CTNNA2: variants seen among roughly 807,000 people sequenced by gnomAD.
CTNNA2 encodes catenin alpha-2.
In CTNNA2, 42 loss-of-function variants were observed where a neutral mutation model predicts 101.0. The observed-to-expected ratio is 0.42, with a 90% confidence interval of 0.32 to 0.54. The LOEUF is 0.54. Among genes scored for constraint, CTNNA2 ranks in the 20% least tolerant of loss-of-function variants. The pLI is 0.14. For missense variants in CTNNA2, 871 were observed against 1,223.1 expected, an observed-to-expected ratio of 0.71 and a Z score of 4.29; for synonymous variants, 450 against 456.4, an observed-to-expected ratio of 0.99 and a Z score of 0.18.
intron 7 of CTNNA2, among the ~76,000 whole-genome samples, chr2:80,022,022 C>G (rs1694599091): frequency 6.6e-6 from 1 of 152,150 alleles, no homozygotes; most frequent in Non-Finnish European, 1.5e-5. Context: ...CAATTCTTTC[C>G]TTTAGATCTG....
intron 3 of CTNNA2, among the ~76,000 whole-genome samples, chr2:79,768,138 C>T (rs1673297186): frequency 6.6e-6 from 1 of 151,740 alleles, no homozygotes; most frequent in African/African-American, 2.4e-5. Flanking sequence ...GGGTAGGTAT[C>T]AGCCGAGTTT....
intron 7 of CTNNA2, among the ~76,000 whole-genome samples, chr2:80,188,944 C>CTTTT (rs34090029): frequency 1.6e-4 from 12 of 74,686 alleles, no homozygotes; most frequent in African/African-American, 3.0e-4. Context: ...CAGGTGGTCA[C>CTTTT]TTTTTTTTTT....
intron 1 of CTNNA2, among the ~76,000 whole-genome samples, chr2:79,622,507 C>A (rs1427270553): frequency 6.6e-6 from 1 of 152,104 alleles, no homozygotes; most frequent in Non-Finnish European, 1.5e-5. Context: ...TAACATTCCT[C>A]TTAGCAAAAA....
chr2:80,024,088 G>GAAA (rs1158051768), intron 7 of CTNNA2, among the ~76,000 whole-genome samples: 8 of 54,670 alleles, frequency 1.5e-4, no homozygotes, highest in Non-Finnish European at 3.1e-4. Flanking sequence ...CTCCGTCTCA[G>GAAA]AAAAAAAAAA....
At chr2:80,145,286 G>T (rs1008253824) in intron 7 of CTNNA2, among the ~76,000 whole-genome samples, 3 of 151,634 alleles carry the variant, frequency 2.0e-5, no homozygotes, top group Non-Finnish European at 2.9e-5. Context: ...TCCCTGGAAG[G>T]GTCCTCTTAT....
chr2:80,188,746 T>C (rs1409790366), intron 7 of CTNNA2, among the ~76,000 whole-genome samples: 1 of 152,086 alleles, frequency 6.6e-6, no homozygotes, highest in African/African-American at 2.4e-5. Flanking sequence ...ATGATTTACA[T>C]TGGGACCACT....
chr2:79,651,774 T>C, intron 2 of CTNNA2, 116 bp downstream of exon 2: 1 of 825,506 alleles, frequency 1.2e-6, no homozygotes, highest in South Asian at 1.6e-5. Flanking sequence ...ATGATTCCGA[T>C]TACTGAATAT....
chr2:80,080,982 G>A (rs1174697838), intron 7 of CTNNA2, among the ~76,000 whole-genome samples: 1 of 142,084 alleles, frequency 7.0e-6, no homozygotes, highest in Non-Finnish European at 1.5e-5. Flanking sequence ...AGAAATGCTT[G>A]CCGTGTTGCA....
intron 9 of CTNNA2, among the ~76,000 whole-genome samples, chr2:80,491,244 A>G (rs890314629): frequency 1.3e-4 from 20 of 152,310 alleles, no homozygotes; most frequent in African/African-American, 4.3e-4. Context: ...TAAATGGTAA[A>G]GGAGGAATTA....
rs149421177 is a variant in CTNNA2, at chr2:79,554,702, A to G, written c.-6+41495A>G. 5.3e-4 allele frequency among the ~76,000 whole-genome samples: 80 copies of G among 152,290 alleles called. No individual in the cohort carries two copies. In the East Asian group the frequency reaches 0.013, roughly 25 times the overall value. ...AGGCTCCAGACACCTCATACCCAAC[A>G]TCAAATTGTGCTAGACACTCTATTA... On this transcript the variant is annotated intron_variant, in intron 1 of 18. Transcript: ENST00000402739.
chr2:79,774,853 G>A (rs1361454449), intron 3 of CTNNA2, among the ~76,000 whole-genome samples: 2 of 152,126 alleles, frequency 1.3e-5, no homozygotes, highest in Admixed American at 6.5e-5. Context: ...AGATTCCTAA[G>A]CCTTAGTGGC....
Position 79,858,129 on chromosome 2 carries a change from A to C in CTNNA2, c.415A>C (p.Ile139Leu), listed in dbSNP as rs767786661. Residue 139 changes from isoleucine to leucine, a missense_variant, in exon 4 of 19, where the codon ATC (isoleucine) becomes CTC (leucine). Ile to Leu is a conservative substitution (Grantham distance 5). Coordinates refer to ENST00000402739, the MANE Select transcript of CTNNA2 (RefSeq NM_001282597.3). ...GCTCTCCGCGGTGACACGCTTACTC[A>C]TCCTGGCGGACATGGCAGATGTCAT... Reference protein sequence around the residue: ...ALLSAVTRLLILADMADVMRL... With the variant: ...ALLSAVTRLLLLADMADVMRL... 34 of 1,613,914 alleles carry C rather than the reference A, an allele frequency of 2.1e-5. No individual in the cohort carries two copies. Among genetic ancestry groups the C allele is most frequent in the Non-Finnish European group, 8.5e-7 (1 of 1,179,914 alleles).
chr2:80,456,184 C>T (rs35626811), intron 9 of CTNNA2, among the ~76,000 whole-genome samples: 1 of 152,198 alleles, frequency 6.6e-6, no homozygotes, highest in African/African-American at 2.4e-5. Context: ...AGCTGGACAC[C>T]TGAGCTATTG....
At chr2:79,305,484 G>A (rs1287686513) in intron 2 of CTNNA2, among the ~76,000 whole-genome samples, 2 of 150,912 alleles carry the variant, frequency 1.3e-5, no homozygotes, top group South Asian at 4.2e-4. Flanking sequence ...TCTGTGCATG[G>A]TATGGTATCT....
Position 79,909,733 on chromosome 2 carries a change from T to A in CTNNA2, c.992T>A (p.Ile331Asn). ...ACGCGAGACGACCGGCGCGAGAGGA[T>A]CGTGGCGGAGTGCAACGCCGTGCGG... is the stretch of plus-strand genomic sequence containing the variant. ...SCTRDDRRER[I>N]VAECNAVRQA... Residue 331 changes from isoleucine to asparagine, a missense_variant, in exon 7 of 19, where the codon ATC becomes AAC. Ile to Asn is a moderately radical substitution (Grantham distance 149, BLOSUM62 -3). Coordinates refer to ENST00000402739, the MANE Select transcript of CTNNA2 (RefSeq NM_001282597.3). 1 of 1,613,812 alleles carries A rather than the reference T, an allele frequency of 6.2e-7. No individual in the cohort carries two copies. The highest frequency in any genetic ancestry group is 8.5e-7 in the Non-Finnish European group (1 of 1,179,856).
chr2:80,403,869 T>C (rs1002379059), intron 8 of CTNNA2, among the ~76,000 whole-genome samples: 1 of 152,232 alleles, frequency 6.6e-6, no homozygotes, highest in African/African-American at 2.4e-5. Flanking sequence ...GAGATACTCA[T>C]GTGATGTTTG....
chr2:79,758,747 G>A (rs974463781), intron 3 of CTNNA2, among the ~76,000 whole-genome samples: 2 of 152,146 alleles, frequency 1.3e-5, no homozygotes, highest in Non-Finnish European at 2.9e-5. Context: ...GTCTCCAGCT[G>A]CATTCATGTT....
At chr2:79,581,864 TC>T (rs1180873347) in intron 1 of CTNNA2, among the ~76,000 whole-genome samples, 2 of 152,246 alleles carry the variant, frequency 1.3e-5, no homozygotes, top group African/African-American at 4.8e-5. Flanking sequence ...TTTGTTTCTT[TC>T]TTAATCTAAC....
chr2:80,238,541 T>C (rs1435109073), intron 7 of CTNNA2, among the ~76,000 whole-genome samples: 1 of 152,180 alleles, frequency 6.6e-6, no homozygotes, highest in Non-Finnish European at 1.5e-5. Context: ...AAAGAGATTT[T>C]GTAGACAGCC....
Sources: gnomAD v4.1 joint callset for allele counts (sites outside exome capture counted in the v4.1 genomes callset) on GRCh38, gnomAD v4.1.1 for gene constraint, MANE v1.5 for transcripts, NCBI Gene and HGNC (gene_info 2026-07-23, HGNC 2026-07-21) for gene names.